The following MYO5A variants were observed in gnomAD, a reference collection of about 807,000 sequenced individuals.
MYO5A encodes unconventional myosin-Va.
Under a neutral mutation model 249.7 loss-of-function variants are expected in MYO5A, and 98 were observed. That is an observed-to-expected ratio of 0.39 (90% CI 0.33 to 0.46). The LOEUF (loss-of-function observed/expected upper bound fraction) is 0.46. MYO5A is among the 20% of genes least tolerant of loss of function. MYO5A has a pLI of 0.98. For missense variants in MYO5A, 1,696 were observed against 2,308.8 expected (o/e 0.73, Z 5.44); for synonymous variants, 778 against 810.6 (o/e 0.96, Z 0.68).
chr15:52,435,940 A>T (rs2075653340), intron 1 of MYO5A, among the ~76,000 whole-genome samples: 1 of 152,184 alleles, frequency 6.6e-6, no homozygotes, highest in Non-Finnish European at 1.5e-5. Flanking sequence ...TTTCTGACAC[A>T]GAGTTTTCCT....
intron 6 of MYO5A, 68 bp downstream of exon 6, chr15:52,410,265 A>T: frequency 6.6e-7 from 1 of 1,508,216 alleles, no homozygotes. Flanking sequence ...AATGCATACC[A>T]GCAAGCATGG....
intron 22 of MYO5A, among the ~76,000 whole-genome samples, chr15:52,367,558 C>T (rs2040872346): frequency 6.6e-6 from 1 of 152,184 alleles, no homozygotes. Context: ...ATATTACCTT[C>T]TCCTCTGAAT....
At chr15:52,412,344 G>A (rs1334028340) in intron 5 of MYO5A, among the ~76,000 whole-genome samples, 2 of 152,190 alleles carry the variant, frequency 1.3e-5, no homozygotes, top group African/African-American at 4.8e-5. Context: ...TGTGAGAAGA[G>A]GCAGGGATTG....
At chr15:52,444,889 T>C (rs1223261686) in intron 1 of MYO5A, among the ~76,000 whole-genome samples, 1 of 152,206 alleles carries the variant, frequency 6.6e-6, no homozygotes, top group Non-Finnish European at 1.5e-5. Context: ...TAAGGAATCA[T>C]GGCATTAAAC....
At position 52,430,921 on chromosome 15, in the gene MYO5A, C is replaced by T. The variant is rs533622838; in HGVS notation, c.138+2254G>A. On this transcript the variant is annotated intron_variant, in intron 2 of 41. Transcript: ENST00000399233. Reference sequence around the variant, plus strand: ...AGAAAAAAGGATCCCTATTAACTCACGGGTTTTATTTTTTTTAAAAAAAGT... The same window carrying T: ...AGAAAAAAGGATCCCTATTAACTCATGGGTTTTATTTTTTTTAAAAAAAGT... Among the ~76,000 whole-genome samples, 29 of 151,940 alleles carry T rather than the reference C, an allele frequency of 1.9e-4. No individual in the cohort carries two copies. In the South Asian group the frequency reaches 5.4e-3, roughly 28 times the overall value.
chr15:52,432,956 T>C (rs935462869), intron 2 of MYO5A, among the ~76,000 whole-genome samples: 1 of 152,318 alleles, frequency 6.6e-6, no homozygotes, highest in South Asian at 2.1e-4. Context: ...CAGGCCAAAA[T>C]AGAAGCTTTT....
At chr15:52,460,801 G>A (rs2141411535) in intron 1 of MYO5A, among the ~76,000 whole-genome samples, 1 of 151,678 alleles carries the variant, frequency 6.6e-6, no homozygotes, top group African/African-American at 2.4e-5. Flanking sequence ...ACAACTGAAA[G>A]GACCAACAAT....
In MYO5A at chr15:52,336,394, ATAGCC is replaced by A. The variant is rs200902119; in HGVS notation, c.4408+64_4408+68del. 389 of 1,054,568 alleles carry A rather than the reference ATAGCC, an allele frequency of 3.7e-4. 1 individual carries two copies. The East Asian group carries it at 7.5e-3, about 20-fold the overall frequency. 65.3% of individuals were successfully genotyped at this position (1,054,568 alleles called of 1,614,324 possible). On this transcript the variant is annotated intron_variant, in intron 34 of 41. Transcript: ENST00000399233. ...TGCAAACCTCTATTAGGCCACTTAT[ATAGCC>A]TAGTCTTTAAGCCAAGACTCAAACC...
intron 1 of MYO5A, among the ~76,000 whole-genome samples, chr15:52,478,343 C>T (rs111954473): frequency 1.3e-5 from 2 of 152,296 alleles, no homozygotes; most frequent in African/African-American, 4.8e-5. Flanking sequence ...GGGAATTCCC[C>T]GACCCCTTGT....
chr15:52,379,571 G>A (rs1814876310), intron 18 of MYO5A, 54 bp downstream of exon 18: 2 of 1,521,488 alleles, frequency 1.3e-6, no homozygotes, highest in Admixed American at 3.3e-5. Flanking sequence ...GGCTTTCCAA[G>A]GTCAGAACCA....
chr15:52,375,161 A>T (rs1158348094), intron 20 of MYO5A, 143 bp downstream of exon 20: 23 of 858,866 alleles, frequency 2.7e-5, no homozygotes, highest in African/African-American at 5.1e-5. Context: ...AGAATTTTTT[A>T]AAATAAATAA....
chr15:52,368,590 C>A (rs1173722655), intron 22 of MYO5A, among the ~76,000 whole-genome samples: 1 of 152,102 alleles, frequency 6.6e-6, no homozygotes, highest in Non-Finnish European at 1.5e-5. Context: ...TCATTCTTCC[C>A]CTATCACTAC....
chr15:52,501,288 T>A (rs756021153), intron 1 of MYO5A, among the ~76,000 whole-genome samples: 18 of 152,178 alleles, frequency 1.2e-4, no homozygotes, highest in Non-Finnish European at 2.1e-4. Context: ...GTTTTTTTTT[T>A]ACTCAAAAAT....
At chr15:52,413,753 GA>G (rs2043350747) in intron 5 of MYO5A, among the ~76,000 whole-genome samples, 1 of 152,012 alleles carries the variant, frequency 6.6e-6, no homozygotes, top group African/African-American at 2.4e-5. Context: ...TGTAGTTATT[GA>G]AAATTAGTTC....
intron 14 of MYO5A, 56 bp from the exon 15 acceptor site, chr15:52,384,378 C>A: frequency 1.9e-6 from 3 of 1,538,862 alleles, no homozygotes; most frequent in Non-Finnish European, 2.7e-6. Flanking sequence ...GAACGCAAAC[C>A]TTCACAAAAG....
intron 1 of MYO5A, among the ~76,000 whole-genome samples, chr15:52,497,756 CAAAAAA>C (rs35145185): frequency 1.4e-4 from 9 of 62,702 alleles, no homozygotes; most frequent in African/African-American, 5.5e-4. Context: ...GACTCTGTCT[CAAAAAA>C]AAAAAAAAAA....
At chr15:52,376,621 A>G (rs1596368591) in intron 18 of MYO5A, 63 bp from the exon 19 acceptor site, 1 of 1,480,198 alleles carries the variant, frequency 6.8e-7, no homozygotes, top group East Asian at 2.4e-5. Context: ...TTAAAAGAAA[A>G]AATGTCTAAA....
chr15:52,435,796 A>C, intron 1 of MYO5A: 1 of 371,042 alleles, frequency 2.7e-6, no homozygotes, highest in Non-Finnish European at 5.2e-6. Context: ...GTAGAGGCTA[A>C]AGCCCTCACA....
intron 2 of MYO5A, 83 bp downstream of exon 2, chr15:52,433,092 T>G (rs1412385275): frequency 1.9e-6 from 2 of 1,033,584 alleles, no homozygotes; most frequent in Non-Finnish European, 3.0e-6. Context: ...TAACTTCCAT[T>G]GGGAGTTTAC....
Sources: gnomAD v4.1 joint callset for allele counts (sites outside exome capture counted in the v4.1 genomes callset) on GRCh38, gnomAD v4.1.1 for gene constraint, MANE v1.5 for transcripts, NCBI Gene and HGNC (gene_info 2026-07-23, HGNC 2026-07-21) for gene names.